The following C6orf118 variants were observed in gnomAD, a reference collection of about 807,000 sequenced individuals.
The protein encoded by C6orf118 is uncharacterized protein C6orf118.
C6orf118 carries 50 observed loss-of-function variants against 50.2 expected under a neutral mutation model. The observed-to-expected ratio is 1.00, with a 90% CI of 0.79 to 1.26. The LOEUF is 1.26. Ranked by LOEUF, C6orf118 falls within the 50% of genes most tolerant of loss-of-function variation. The probability of loss-of-function intolerance (pLI) is 0.00; values close to 1 mark genes in which losing one functional copy is unlikely to be tolerated. For synonymous variants in C6orf118, 239 were observed against 230.9 expected (o/e 1.03, Z -0.32); for missense variants, 641 against 578.7 (o/e 1.11, Z -1.10).
chr6:165,280,958 C>T (rs2128155787), intron 8 of C6orf118, among the ~76,000 whole-genome samples: 1 of 152,286 alleles, frequency 6.6e-6, no homozygotes, highest in African/African-American at 2.4e-5. Flanking sequence ...TTTTCCATTG[C>T]TCTTAATAAT....
intron 4 of C6orf118, among the ~76,000 whole-genome samples, chr6:165,299,146 G>A (rs1013904614): frequency 2.0e-5 from 3 of 152,258 alleles, no homozygotes; most frequent in African/African-American, 7.2e-5. Flanking sequence ...GACAATGGCT[G>A]GACAGTGGTT....
At chr6:165,309,497 A>T in intron 1 of C6orf118, 65 bp downstream of exon 1, 2 of 1,511,872 alleles carry the variant, frequency 1.3e-6, no homozygotes, top group Non-Finnish European at 1.8e-6. Context: ...TCAGAAGCCC[A>T]TCCCTCCACA....
intron 7 of C6orf118, among the ~76,000 whole-genome samples, chr6:165,282,989 TC>T (rs1011481446): frequency 6.6e-6 from 1 of 152,176 alleles, no homozygotes; most frequent in African/African-American, 2.4e-5. Context: ...ACATTTATTT[TC>T]TGAAAGAAAT....
rs780904648 is a variant in C6orf118 at position 165,302,297 on chromosome 6, C to T, written c.26-1G>A. 3 of 1,609,726 alleles carry T rather than the reference C, an allele frequency of 1.9e-6. No individual in the cohort carries two copies. The African/African-American group carries it at 4.1e-5, about 22-fold the overall frequency. On this transcript the variant is annotated splice_acceptor_variant, in intron 1 of 8. Transcript: ENST00000230301. LOFTEE classifies it high-confidence loss of function. The stretch of plus-strand genomic sequence containing the variant: ...TCGCAGTGCTTCCACTTCAGGTACA[C>T]TGGTCAGAAAAGAAAAGGAGGCTCT...
chr6:165,288,453 T>C (rs1779989492), intron 7 of C6orf118, among the ~76,000 whole-genome samples: 1 of 152,178 alleles, frequency 6.6e-6, no homozygotes, highest in South Asian at 2.1e-4. Context: ...CAAAGGAATA[T>C]AAATCATTCT....
At chr6:165,283,223 C>A (rs1011114789) in intron 7 of C6orf118, among the ~76,000 whole-genome samples, 4 of 152,146 alleles carry the variant, frequency 2.6e-5, no homozygotes, top group Non-Finnish European at 5.9e-5. Context: ...AAGAGATGGC[C>A]CACCTGGGAG....
chr6:165,298,221 A>C, intron 4 of C6orf118, 120 bp from the exon 5 acceptor site: 2 of 1,265,880 alleles, frequency 1.6e-6, no homozygotes, highest in Non-Finnish European at 2.1e-6. Flanking sequence ...AGTTCTAGTT[A>C]AAATAGGTAA....
chr6:165,282,887 C>T (rs1444971651), intron 7 of C6orf118, among the ~76,000 whole-genome samples: 1 of 152,120 alleles, frequency 6.6e-6, no homozygotes, highest in Non-Finnish European at 1.5e-5. Flanking sequence ...GAATAGTTTA[C>T]ATTGTTCTGA....
At chr6:165,294,139 G>A (rs1459308443) in intron 5 of C6orf118, among the ~76,000 whole-genome samples, 2 of 151,678 alleles carry the variant, frequency 1.3e-5, no homozygotes, top group African/African-American at 4.8e-5. Flanking sequence ...CCAGCTACTT[G>A]GGAGGCTGAG....
chr6:165,289,692 C>T (rs1270521732), intron 7 of C6orf118, among the ~76,000 whole-genome samples, 194 bp downstream of exon 7: 1 of 152,004 alleles, frequency 6.6e-6, no homozygotes, highest in Non-Finnish European at 1.5e-5. Flanking sequence ...TTTTTTATCA[C>T]TTTCCTTTTT....
chr6:165,302,836 A>G (rs1780610879), intron 1 of C6orf118, among the ~76,000 whole-genome samples: 1 of 152,160 alleles, frequency 6.6e-6, no homozygotes, highest in Admixed American at 6.5e-5. Flanking sequence ...TTTGAACCAC[A>G]GTTGCCTCCT....
chr6:165,302,498 G>A (rs1490976113), intron 1 of C6orf118, among the ~76,000 whole-genome samples: 2 of 152,076 alleles, frequency 1.3e-5, no homozygotes, highest in Non-Finnish European at 2.9e-5. Context: ...AGGCGCCCAG[G>A]CCCCCAGGAT....
intron 1 of C6orf118, 43 bp downstream of exon 1, chr6:165,309,519 A>C: frequency 6.2e-7 from 1 of 1,613,058 alleles, no homozygotes; most frequent in South Asian, 1.1e-5. Flanking sequence ...TTGAACATCA[A>C]GCAAATCTCA....
At chr6:165,282,008 G>A in intron 7 of C6orf118, 4 of 178,696 alleles carry the variant, frequency 2.2e-5, no homozygotes, top group Non-Finnish European at 2.3e-5. Flanking sequence ...TAAGGGGGCT[G>A]GAAAAATATA....
intron 4 of C6orf118, 78 bp from the exon 5 acceptor site, chr6:165,298,179 T>A: frequency 1.3e-6 from 2 of 1,481,790 alleles, no homozygotes; most frequent in South Asian, 2.8e-5. Flanking sequence ...TTGTCATTAA[T>A]GCGTTTTCAA....
intron 5 of C6orf118, among the ~76,000 whole-genome samples, chr6:165,294,224 A>G (rs1244560261): frequency 2.0e-5 from 3 of 149,400 alleles, no homozygotes; most frequent in Admixed American, 6.7e-5. Flanking sequence ...CCAGCCTGGG[A>G]GACAGAGCCA....
At chr6:165,288,357 G>A (rs142635813) in intron 7 of C6orf118, among the ~76,000 whole-genome samples, 10 of 152,304 alleles carry the variant, frequency 6.6e-5, no homozygotes, top group African/African-American at 2.2e-4. Flanking sequence ...TTCAACCATC[G>A]TGGAAGACAG....
intron 7 of C6orf118, among the ~76,000 whole-genome samples, chr6:165,286,745 CA>C (rs1446706391): frequency 6.6e-6 from 1 of 151,988 alleles, no homozygotes; most frequent in Admixed American, 6.6e-5. Context: ...TTAAAACTCT[CA>C]AAAAAACTAG....
chr6:165,308,978 A>G (rs1184858895), intron 1 of C6orf118, among the ~76,000 whole-genome samples: 2 of 152,218 alleles, frequency 1.3e-5, no homozygotes, highest in Non-Finnish European at 2.9e-5. Context: ...CAGTCCCAGC[A>G]CATGGCGGGT....
Sources: gnomAD v4.1 joint callset for allele counts (sites outside exome capture counted in the v4.1 genomes callset) on GRCh38, gnomAD v4.1.1 for gene constraint, MANE v1.5 for transcripts, NCBI Gene and HGNC (gene_info 2026-07-23, HGNC 2026-07-21) for gene names.